KCNMB2: variants seen among roughly 807,000 people sequenced by gnomAD.
KCNMB2 encodes calcium-activated potassium channel subunit beta-2.
KCNMB2 carries 9 observed loss-of-function variants against 24.5 expected under a neutral mutation model. The observed-to-expected ratio is 0.37, with a 90% confidence interval of 0.22 to 0.64. The LOEUF is 0.64. Among genes scored for constraint, KCNMB2 ranks in the 30% least tolerant of loss-of-function variants. The pLI is 0.63. For synonymous variants in KCNMB2, 109 were observed against 104.4 expected (o/e 1.04, Z -0.27); for missense variants, 226 against 284.3 (o/e 0.79, Z 1.47).
At chr3:178,635,483 G>A (rs1719489554) in intron 1 of KCNMB2, among the ~76,000 whole-genome samples, 1 of 151,720 alleles carries the variant, frequency 6.6e-6, no homozygotes, top group Non-Finnish European at 1.5e-5. Context: ...ACACCGGGCA[G>A]AGGGAAAAAC....
At chr3:178,811,206 A>T (rs1714178854) in intron 2 of KCNMB2, among the ~76,000 whole-genome samples, 1 of 152,200 alleles carries the variant, frequency 6.6e-6, no homozygotes, top group African/African-American at 2.4e-5. Flanking sequence ...AATATTTATT[A>T]CATATGTTAA....
At chr3:178,653,270 T>C (rs919200705) in intron 1 of KCNMB2, among the ~76,000 whole-genome samples, 10 of 152,166 alleles carry the variant, frequency 6.6e-5, no homozygotes, top group African/African-American at 2.4e-4. Flanking sequence ...TTTTTGCTAA[T>C]ATAAAAATAC....
In KCNMB2 at chr3:178,727,492, T is replaced by C. The variant is rs111882375; in HGVS notation, c.-67-79851T>C. On this transcript the variant is annotated intron_variant, in intron 1 of 4. Coordinates refer to ENST00000452583, the MANE Select transcript of KCNMB2 (RefSeq NM_181361.3). ...GTGATTAAGTTAATAACCTTGAGAT[T>C]TGGAAATTATCTTGTATTATCCTTG... 1.8e-3 allele frequency among the ~76,000 whole-genome samples: 275 copies of C among 152,258 alleles called. 3 individuals are homozygous for C. Among genetic ancestry groups the C allele is most frequent in the African/African-American group, 6.2e-3 (259 of 41,554 alleles).
chr3:178,789,940 A>G (rs1713257899), intron 1 of KCNMB2, among the ~76,000 whole-genome samples: 1 of 151,878 alleles, frequency 6.6e-6, no homozygotes. Flanking sequence ...CTAAGGGAGT[A>G]CTTGTGTCAC....
Position 178,541,483 on chromosome 3 carries a change from A to G in KCNMB2, c.-68+4772A>G, listed in dbSNP as rs368211818. On this transcript the variant is annotated intron_variant, in intron 1 of 4. Coordinates refer to ENST00000452583, the MANE Select transcript of KCNMB2 (RefSeq NM_181361.3). Reference sequence around the variant, plus strand: ...AGTTAATACAATCAATAATCGTACTATTCATTTACACTTTCAAAATCAGCA... The same window carrying G: ...AGTTAATACAATCAATAATCGTACTGTTCATTTACACTTTCAAAATCAGCA... Among the ~76,000 whole-genome samples, 49 of 152,286 alleles carry G rather than the reference A, an allele frequency of 3.2e-4. No individual in the cohort carries two copies. The South Asian group carries it at 1.0e-2, about 31-fold the overall frequency.
chr3:178,704,798 T>C (rs1722223066), intron 1 of KCNMB2, among the ~76,000 whole-genome samples: 1 of 152,176 alleles, frequency 6.6e-6, no homozygotes, highest in South Asian at 2.1e-4. Context: ...TGCATCATGC[T>C]CATTCCCAGG....
chr3:178,812,824 T>C (rs1480946211), intron 2 of KCNMB2, among the ~76,000 whole-genome samples: 3 of 152,168 alleles, frequency 2.0e-5, no homozygotes, highest in African/African-American at 7.2e-5. Flanking sequence ...GACAAACACC[T>C]CACAACAGTT....
At chr3:178,738,174 C>A (rs1723378178) in intron 1 of KCNMB2, among the ~76,000 whole-genome samples, 1 of 152,154 alleles carries the variant, frequency 6.6e-6, no homozygotes, top group Non-Finnish European at 1.5e-5. Context: ...CCACCCAAGA[C>A]AGAAACATAG....
chr3:178,803,329 G>C (rs1044448391), intron 1 of KCNMB2, among the ~76,000 whole-genome samples: 38 of 152,274 alleles, frequency 2.5e-4, no homozygotes, highest in South Asian at 1.2e-3. Context: ...GAAATTTTCT[G>C]TCCAAGCCAA....
intron 1 of KCNMB2, among the ~76,000 whole-genome samples, chr3:178,578,803 C>A (rs2108487045): frequency 6.6e-6 from 1 of 152,270 alleles, no homozygotes; most frequent in South Asian, 2.1e-4. Flanking sequence ...GTAAAGAGAT[C>A]AATGTAATGA....
intron 1 of KCNMB2, among the ~76,000 whole-genome samples, chr3:178,713,112 C>A (rs1239020601): frequency 6.6e-6 from 1 of 152,198 alleles, no homozygotes; most frequent in Non-Finnish European, 1.5e-5. Context: ...CACGCTCAGT[C>A]TCCTCCTCAT....
At chr3:178,577,084 T>C (rs1717022165) in intron 1 of KCNMB2, among the ~76,000 whole-genome samples, 1 of 152,056 alleles carries the variant, frequency 6.6e-6, no homozygotes, top group African/African-American at 2.4e-5. Flanking sequence ...CTCCCACAAA[T>C]GAGGTGTCAA....
intron 1 of KCNMB2, among the ~76,000 whole-genome samples, chr3:178,682,909 T>C (rs1577094419): frequency 6.6e-6 from 1 of 152,120 alleles, no homozygotes; most frequent in Admixed American, 6.5e-5. Context: ...AGGAAATGCC[T>C]ATACACTGTT....
intron 1 of KCNMB2, among the ~76,000 whole-genome samples, chr3:178,730,234 T>A (rs923203477): frequency 6.6e-6 from 1 of 152,240 alleles, no homozygotes; most frequent in African/African-American, 2.4e-5. Flanking sequence ...GGTGGCCCTA[T>A]GATCTGCAAA....
chr3:178,797,806 T>C (rs1346292728), intron 1 of KCNMB2, among the ~76,000 whole-genome samples: 2 of 152,214 alleles, frequency 1.3e-5, no homozygotes, highest in African/African-American at 4.8e-5. Context: ...CCTCTGTGAT[T>C]TCCTTGAGCA....
At chr3:178,724,299 T>C (rs1049268243) in intron 1 of KCNMB2, among the ~76,000 whole-genome samples, 5 of 152,148 alleles carry the variant, frequency 3.3e-5, no homozygotes, top group African/African-American at 1.2e-4. Flanking sequence ...GCCACTGGTA[T>C]GTCTTCTTTT....
rs1206922640 is a variant in KCNMB2, at chr3:178,568,813, AGATAATAG to A, written c.-68+32103_-68+32110del. Among the ~76,000 whole-genome samples the A allele has an allele frequency of 1.1e-3, 57 of 51,720 alleles. 1 individual carries two copies. The highest frequency in any genetic ancestry group is 6.9e-4 in the Non-Finnish European group (17 of 24,802). 33.9% of individuals were successfully genotyped at this position (51,720 alleles called of 152,430 possible). ...TAGATAGATAGATAGATAGATAGATAGATAATAGATAGATAGATGATAGATAGATAGAT... is the reference window on the plus strand; with the variant it reads ...TAGATAGATAGATAGATAGATAGATAATAGATAGATGATAGATAGATAGAT... On this transcript the variant is annotated intron_variant, in intron 1 of 4. Coordinates refer to ENST00000452583, the MANE Select transcript of KCNMB2 (RefSeq NM_181361.3).
chr3:178,604,378 C>T (rs995488020), intron 1 of KCNMB2, among the ~76,000 whole-genome samples: 1 of 141,626 alleles, frequency 7.1e-6, no homozygotes, highest in Admixed American at 7.2e-5. Context: ...AAAAAACATG[C>T]TGAAAGAAGC....
chr3:178,811,030 G>A (rs1466661028), intron 2 of KCNMB2, among the ~76,000 whole-genome samples: 2 of 151,708 alleles, frequency 1.3e-5, no homozygotes, highest in Non-Finnish European at 2.9e-5. Context: ...GGGATTACAG[G>A]CGTGGGCCAC....
Sources: allele counts gnomAD v4.1 joint callset (sites outside exome capture counted in the v4.1 genomes callset), GRCh38; gene constraint gnomAD v4.1.1; transcripts MANE v1.5; gene names NCBI Gene and HGNC (gene_info 2026-07-23, HGNC 2026-07-21).